Variants in TCHP observed in about 807,000 individuals in gnomAD.
TCHP encodes the protein trichoplein keratin filament-binding protein.
A neutral mutation model predicts 88.7 loss-of-function variants in TCHP; 81 were observed. The ratio of observed to expected loss-of-function variants is 0.91; its 90% confidence interval spans 0.76 to 1.10. The LOEUF (loss-of-function observed/expected upper bound fraction) is 1.10. Among genes scored for constraint, TCHP ranks in the 50% least tolerant of loss-of-function variants. TCHP has a pLI of 0.00. For synonymous variants in TCHP, 232 were observed against 232.5 expected (o/e 1.00, Z 0.02); for missense variants, 641 against 632.1 (o/e 1.01, Z -0.15).
At position 109,907,615 on chromosome 12, in the gene TCHP, A is replaced by G; in HGVS notation, c.615A>G (p.Glu205=). 1 of 1,614,220 alleles carries G rather than the reference A, an allele frequency of 6.2e-7. No individual in the cohort carries two copies. Among genetic ancestry groups the G allele is most frequent in the Non-Finnish European group, 8.5e-7 (1 of 1,180,042 alleles). ...AGGCGCTAGAAAGGATGAAAGCTGA[A>G]GAGGAGAGGAGGCAGCTGGAGGACA... ...RREALERMKA[E]EERRQLEDKL... Residue 205 remains glutamate (E), a synonymous_variant, in exon 6 of 13, where the codon GAA becomes GAG. Transcript: ENST00000405876.
chr12:109,903,266 CAG>C lies in TCHP; in HGVS notation c.188+53_188+54del, dbSNP rs747213586. 1 of 1,546,848 alleles carries C rather than the reference CAG, an allele frequency of 6.5e-7. No individual in the cohort carries two copies. Among genetic ancestry groups the C allele is most frequent in the Non-Finnish European group, 8.8e-7 (1 of 1,130,280 alleles). On this transcript the variant is annotated intron_variant, in intron 2 of 12. Transcript: ENST00000405876. This position sits in a 1 kb window ranked among gnomAD's most constrained non-coding sequence, Gnocchi z 4.6. The stretch of plus-strand genomic sequence containing the variant: ...ATGGAAGTGGGGACCACTTGCTGGT[CAG>C]GGGATGAGGCCTTAAGGATTTAGGG...
upstream of TCHP, among the ~76,000 whole-genome samples, chr12:109,899,772 CATCTGGATTTTTTAAAGGT>C (rs1243650956): frequency 3.3e-5 from 5 of 152,208 alleles, no homozygotes; most frequent in East Asian, 7.7e-4. Context: ...TTGGTTTGGG[CATCTGGATTTTTTAAAGGT>C]ATCTGGATTT....
Position 109,904,104 on chromosome 12 carries a change from A to G in TCHP, c.356A>G (p.Gln119Arg), listed in dbSNP as rs963465241. 9 of 1,589,110 alleles carry G rather than the reference A, an allele frequency of 5.7e-6. No homozygotes were observed. The highest frequency in any genetic ancestry group is 7.7e-6 in the Non-Finnish European group (9 of 1,167,426). ...MNLQERRIRE[Q>R]HGKLKSAKEE... Reference sequence around the variant, plus strand: ...TTGCAGGAAAGAAGAATCCGGGAGCAGCACGGGAAGCTGAAATCAGCCAAA... The same window carrying G: ...TTGCAGGAAAGAAGAATCCGGGAGCGGCACGGGAAGCTGAAATCAGCCAAA... Residue 119 changes from glutamine (Q) to arginine (R), a missense_variant, in exon 3 of 13, where the codon CAG becomes CGG. Physicochemically the swap from Gln to Arg is conservative, Grantham distance 43. Transcript: ENST00000405876.
At position 109,917,846 on chromosome 12, in the gene TCHP, A is replaced by C. The variant is rs571525119; in HGVS notation, c.*1223A>C. On this transcript the variant is annotated 3_prime_UTR_variant, in exon 13 of 13. Transcript: ENST00000405876. ...CATTGTTCCATGGTTATTAAAAATC[A>C]GAGTTTATTAAAAATCCTGAGTCTT... is the stretch of plus-strand genomic sequence containing the variant. 6.5e-6 allele frequency: 1 copy of C among 152,700 alleles called. No individual in the cohort carries two copies. Among genetic ancestry groups the C allele is most frequent in the South Asian group, 2.1e-4 (1 of 4,826 alleles). The allele number at this position is 152,700 out of a possible 1,614,324, so 9.5% of individuals were successfully genotyped here.
chr12:109,882,448 G>T, the TCHP span, among the ~76,000 whole-genome samples: 2 of 138,928 alleles, frequency 1.4e-5, no homozygotes, highest in South Asian at 2.3e-4. Context: ...AAAAAAAAAA[G>T]ACTTGGGGTG....
the TCHP span, among the ~76,000 whole-genome samples, chr12:109,890,132 CAG>C: frequency 2.6e-5 from 4 of 152,146 alleles, no homozygotes; most frequent in East Asian, 5.8e-4. Flanking sequence ...GGGGCAGCCT[CAG>C]GGGCTGAGAG....
chr12:109,917,945 T>C lies in TCHP; in HGVS notation c.*1322T>C, dbSNP rs1870906053. 6.6e-6 allele frequency: 1 copy of C among 152,272 alleles called. No homozygotes were observed. 9.4% of individuals were successfully genotyped at this position (152,272 alleles called of 1,614,324 possible). ...GCTGCAAACCACGTCCTTCATCTGT[T>C]GTTCATTTTCTTGCAACTCTTTGAC... On this transcript the variant is annotated 3_prime_UTR_variant, in exon 13 of 13. Transcript: ENST00000405876.
chr12:109,902,952 TA>T (rs1869886297), intron 1 of TCHP, 74 bp from the exon 2 acceptor site: 10 of 1,323,172 alleles, frequency 7.6e-6, no homozygotes, highest in Non-Finnish European at 8.2e-6. Flanking sequence ...GACCACTCGT[TA>T]AAGGGATGAG....
In TCHP at chr12:109,914,462, G is replaced by T; in HGVS notation, c.1155G>T (p.Gln385His). 6.2e-7 allele frequency: 1 copy of T among 1,613,372 alleles called. No individual in the cohort carries two copies. The highest frequency in any genetic ancestry group is 8.5e-7 in the Non-Finnish European group (1 of 1,179,514). The stretch of plus-strand genomic sequence containing the variant: ...GTTAGGTTCTGACAGGGAGACAACA[G>T]CAAATACAAGAGAAGATTGAGCAGA... The part of the protein sequence containing the change: ...LMSEVLTGRQ[Q>H]QIQEKIEQNR... Residue 385 changes from glutamine (Q) to histidine (H), a missense_variant, in exon 11 of 13, where the codon CAG becomes CAT. By Grantham distance (24) the Gln-to-His change is conservative. Transcript: ENST00000405876.
chr12:109,915,668 T>C, intron 12 of TCHP, 122 bp downstream of exon 12: 3 of 1,173,984 alleles, frequency 2.6e-6, no homozygotes, highest in Non-Finnish European at 3.5e-6. Context: ...GGGTTATTCC[T>C]TGTTTCTCTT....
At chr12:109,891,794 C>G in the TCHP span, among the ~76,000 whole-genome samples, 1 of 151,876 alleles carries the variant, frequency 6.6e-6, no homozygotes, top group Non-Finnish European at 1.5e-5. Flanking sequence ...ACTGAAAACT[C>G]TGCCTCTCAG....
chr12:109,903,162 A>C lies in TCHP; in HGVS notation c.136A>C (p.Ile46Leu). 6.2e-7 allele frequency: 1 copy of C among 1,614,002 alleles called. No individual in the cohort carries two copies. The highest frequency in any genetic ancestry group is 8.5e-7 in the Non-Finnish European group (1 of 1,179,892). ...QNSRYFRMSD[I>L]CSSKQAEWSS... is the part of the protein sequence containing the mutation. Reference sequence around the variant, plus strand: ...CAGCCGTTACTTCAGGATGTCTGACATCTGCAGCTCCAAACAGGCAGAATG... The same window carrying C: ...CAGCCGTTACTTCAGGATGTCTGACCTCTGCAGCTCCAAACAGGCAGAATG... The change falls in exon 2 of 13, where the codon ATC becomes CTC. Residue 46 changes from isoleucine (I) to leucine (L), a missense_variant. By Grantham distance (5) the Ile-to-Leu change is conservative. Coordinates refer to ENST00000405876, the MANE Select transcript of TCHP (RefSeq NM_001143852.2). The surrounding 1 kb of genome is among the most constrained non-coding windows in gnomAD (Gnocchi z 4.6).
At position 109,904,094 on chromosome 12, in the gene TCHP, A is replaced by AT. The variant is rs762437978; in HGVS notation, c.347dup (p.Arg117ProfsTer20). 29 of 1,595,324 alleles carry AT rather than the reference A, an allele frequency of 1.8e-5. No homozygotes were observed. Among genetic ancestry groups the AT allele is most frequent in the Non-Finnish European group, 2.3e-5 (27 of 1,170,794 alleles). On this transcript the variant is annotated frameshift_variant, in exon 3 of 13. Transcript: ENST00000405876. LOFTEE classifies it high-confidence loss of function. ...GAGCATGAACTTGCAGGAAAGAAGA[A>AT]TCCGGGAGCAGCACGGGAAGCTGAA...
chr12:109,886,473 A>T, the TCHP span, among the ~76,000 whole-genome samples: 1 of 151,972 alleles, frequency 6.6e-6, no homozygotes, highest in Non-Finnish European at 1.5e-5. Context: ...ATTGTCCAAG[A>T]TTTGGCCAGT....
At chr12:109,910,391 A>G (rs934941349) in intron 8 of TCHP, among the ~76,000 whole-genome samples, 1 of 152,166 alleles carries the variant, frequency 6.6e-6, no homozygotes, top group African/African-American at 2.4e-5. Context: ...ATCACGGCTC[A>G]CTGCAGCCTC....
chr12:109,887,251 G>A, the TCHP span, among the ~76,000 whole-genome samples: 1 of 151,828 alleles, frequency 6.6e-6, no homozygotes, highest in African/African-American at 2.4e-5. Flanking sequence ...GTGAAACTCT[G>A]TCTCTACTAA....
Position 109,903,860 on chromosome 12 carries a change from T to C in TCHP, c.189-77T>C. 1 of 1,253,628 alleles carries C rather than the reference T, an allele frequency of 8.0e-7. No individual in the cohort carries two copies. The highest frequency in any genetic ancestry group is 1.1e-6 in the Non-Finnish European group (1 of 879,100). 77.7% of individuals were successfully genotyped at this position (1,253,628 alleles called of 1,614,324 possible). ...TCATGACACATCTACCTCAGCCTCT[T>C]TTACCGACACAGCAGAGCAGAGCAC... On this transcript the variant is annotated intron_variant, in intron 2 of 12. Transcript: ENST00000405876. This position sits in a 1 kb window ranked among gnomAD's most constrained non-coding sequence, Gnocchi z 4.6.
chr12:109,906,153 C>A (rs1014972991), intron 4 of TCHP, among the ~76,000 whole-genome samples: 1 of 152,212 alleles, frequency 6.6e-6, no homozygotes, highest in African/African-American at 2.4e-5. Flanking sequence ...AGTACGTAGT[C>A]CATCTGCTTT....
intron 4 of TCHP, 86 bp downstream of exon 4, chr12:109,904,879 C>A: frequency 7.7e-7 from 1 of 1,299,426 alleles, no homozygotes; most frequent in South Asian, 1.3e-5. Context: ...GTATCTTGTA[C>A]CGGGTTGAAA....
Sources: allele counts gnomAD v4.1 joint callset (sites outside exome capture counted in the v4.1 genomes callset), GRCh38; gene constraint gnomAD v4.1.1; non-coding constraint Gnocchi (gnomAD v3.1); transcripts MANE v1.5; gene names NCBI Gene and HGNC (gene_info 2026-07-23, HGNC 2026-07-21).